Variants in ACAT1 observed in about 807,000 individuals in gnomAD.
The protein encoded by ACAT1 is acetyl-CoA acetyltransferase, mitochondrial.
A neutral mutation model predicts 47.3 loss-of-function variants in ACAT1; 28 were observed. The ratio of observed to expected loss-of-function variants is 0.59; its 90% CI spans 0.44 to 0.81. The LOEUF (loss-of-function observed/expected upper bound fraction) is 0.81, where lower values mean the gene tolerates loss of function less well. ACAT1 is among the 30% of genes least tolerant of loss of function. The pLI, the probability that ACAT1 is intolerant of heterozygous loss-of-function variation, is 0.00. For missense variants in ACAT1, 469 were observed against 524.3 expected (o/e 0.89, Z 1.03); for synonymous variants, 181 against 173.6 (o/e 1.04, Z -0.34).
At chr11:108,142,577 C>G in intron 9 of ACAT1, 27 bp downstream of exon 9, 1 of 1,571,018 alleles carries the variant, frequency 6.4e-7, no homozygotes, top group Non-Finnish European at 8.8e-7. Flanking sequence ...TGGCTCACAC[C>G]TGTAATCCCA....
rs2077637580 is a variant in ACAT1, at chr11:108,143,681, T to C, written c.941-302T>C. 2.3e-5 allele frequency: 6 copies of C among 262,076 alleles called. No homozygotes were observed. In the South Asian group the frequency reaches 3.7e-4, roughly 16 times the overall value. 16.2% of individuals were successfully genotyped at this position (262,076 alleles called of 1,614,324 possible). On this transcript the variant is annotated intron_variant, in intron 9 of 11. Transcript: ENST00000265838. ...GACTGTTCTATGCATTGTAGATGTT[T>C]AGCAGAATCCTTAGTCTTTACCCAG...
upstream of ACAT1, among the ~76,000 whole-genome samples, chr11:108,119,543 C>T (rs2077115129): frequency 6.6e-6 from 1 of 152,138 alleles, no homozygotes; most frequent in African/African-American, 2.4e-5. Flanking sequence ...TAGTCATCAG[C>T]TTTGGCCTCT....
At chr11:108,142,785 T>C (rs1482117252) in intron 9 of ACAT1, 2 of 502,560 alleles carry the variant, frequency 4.0e-6, no homozygotes, top group South Asian at 2.0e-5. Flanking sequence ...TGCAGTGAAC[T>C]GAGATTGTAC....
chr11:108,131,354 ATTTTTTT>A (rs397951009), intron 1 of ACAT1, among the ~76,000 whole-genome samples: 1 of 62,660 alleles, frequency 1.6e-5, no homozygotes, highest in African/African-American at 5.2e-5. Context: ...AAGACTTGGA[ATTTTTTT>A]TTTTTTTTTT....
chr11:108,140,032 A>G, intron 6 of ACAT1, 33 bp from the exon 7 acceptor site: 1 of 1,598,678 alleles, frequency 6.3e-7, no homozygotes, highest in Non-Finnish European at 8.5e-7. Context: ...AATTATGCAA[A>G]GTTAACTTTA....
chr11:108,117,518 G>C (rs1280428467), upstream of ACAT1, among the ~76,000 whole-genome samples: 1 of 151,820 alleles, frequency 6.6e-6, no homozygotes, highest in Admixed American at 6.6e-5. Context: ...CATGTTAGCC[G>C]GGCTGGTCTG....
chr11:108,119,535 G>A (rs988500463), upstream of ACAT1, among the ~76,000 whole-genome samples: 6 of 152,124 alleles, frequency 3.9e-5, no homozygotes, highest in African/African-American at 1.2e-4. Context: ...TGATACCCTA[G>A]TCATCAGCTT....
chr11:108,121,202 A>G (rs1302561150), upstream of ACAT1: 23 of 9,722 alleles, frequency 2.4e-3, no homozygotes, highest in South Asian at 0.058. Context: ...CCTTGTCTCA[A>G]AAAAAAAAAA....
chr11:108,147,214 T>C lies in ACAT1; in HGVS notation c.1164-56T>C, dbSNP rs1300419828. ...AAGTTAAATTGGAATAGAAACATTT[T>C]GGTTAGTCATAAATTCTGTACTTCA... is the stretch of plus-strand genomic sequence containing the variant. On this transcript the variant is annotated intron_variant, in intron 11 of 11. Coordinates refer to ENST00000265838, the MANE Select transcript of ACAT1 (RefSeq NM_000019.4). The C allele has an allele frequency of 1.0e-5, 16 of 1,596,498 alleles. No individual in the cohort carries two copies. In the Admixed American group the frequency reaches 1.5e-4, roughly 15 times the overall value.
In ACAT1 at chr11:108,122,003, C is replaced by T. The variant is rs571344260; in HGVS notation, c.72+325C>T. On this transcript the variant is annotated intron_variant, in intron 1 of 11. Coordinates refer to ENST00000265838, the MANE Select transcript of ACAT1 (RefSeq NM_000019.4). ...GCTGGCCCGGCCTGAGCGGTGGGATCGGGGAGAGTCTCTTTGCAGGCCTGT... is the reference window on the plus strand; with the variant it reads ...GCTGGCCCGGCCTGAGCGGTGGGATTGGGGAGAGTCTCTTTGCAGGCCTGT... 1,303 of 466,468 alleles carry T rather than the reference C, an allele frequency of 2.8e-3. 24 individuals are homozygous for T. In the South Asian group the frequency reaches 0.028, roughly 10 times the overall value. 28.9% of individuals were successfully genotyped at this position (466,468 alleles called of 1,614,324 possible).
At chr11:108,145,458 G>A (rs762153756) in intron 10 of ACAT1, among the ~76,000 whole-genome samples, 1 of 150,562 alleles carries the variant, frequency 6.6e-6, no homozygotes, top group Non-Finnish European at 1.5e-5. Flanking sequence ...GCTTGAGCCT[G>A]GGAGGTCAAG....
intron 5 of ACAT1, chr11:108,138,689 A>C: frequency 1.7e-6 from 1 of 592,838 alleles, no homozygotes; most frequent in Non-Finnish European, 3.0e-6. Flanking sequence ...GAGCCACTGC[A>C]CCCAGCCAAC....
At chr11:108,129,638 A>G (rs1305961878) in intron 1 of ACAT1, among the ~76,000 whole-genome samples, 5 of 152,186 alleles carry the variant, frequency 3.3e-5, no homozygotes, top group Non-Finnish European at 5.9e-5. Context: ...AAGTGCTGGG[A>G]TTAAAGGCAT....
At chr11:108,116,988 G>C (rs1010829218), upstream of ACAT1, among the ~76,000 whole-genome samples, 1 of 152,084 alleles carries the variant, frequency 6.6e-6, no homozygotes, top group Non-Finnish European at 1.5e-5. Flanking sequence ...ACAGATTTTG[G>C]TACTGAAAAG....
chr11:108,145,091 AAGGGCACTCACTAGTAATGTTTT>A (rs764672669), intron 10 of ACAT1, among the ~76,000 whole-genome samples: 30 of 152,298 alleles, frequency 2.0e-4, no homozygotes, highest in Admixed American at 7.2e-4. Context: ...TGTAAAGAAA[AAGGGCACTCACTAGTAATGTTTT>A]AGGGCACTCA....
At chr11:108,123,068 T>TAA (rs1555029331) in intron 1 of ACAT1, among the ~76,000 whole-genome samples, 3 of 149,590 alleles carry the variant, frequency 2.0e-5, no homozygotes, top group African/African-American at 7.5e-5. Flanking sequence ...CTATTAAAAA[T>TAA]ACACACACAC....
intron 4 of ACAT1, among the ~76,000 whole-genome samples, 198 bp from the exon 5 acceptor site, chr11:108,134,944 C>CA (rs56229925): frequency 0.013 from 1,041 of 81,226 alleles, 28 homozygotes; most frequent in African/African-American, 0.039. Context: ...GACTCCGTCT[C>CA]AAAAAAAAAA....
At chr11:108,126,561 A>C (rs1049485510) in intron 1 of ACAT1, among the ~76,000 whole-genome samples, 14 of 152,128 alleles carry the variant, frequency 9.2e-5, no homozygotes, top group African/African-American at 3.4e-4. Flanking sequence ...AGCTGGAGGG[A>C]CTGTAGAGAG....
upstream of ACAT1, among the ~76,000 whole-genome samples, chr11:108,121,036 A>G (rs1255463321): frequency 6.6e-6 from 1 of 152,146 alleles, no homozygotes; most frequent in East Asian, 1.9e-4. Flanking sequence ...CCCCGTCTCC[A>G]CAAAAAATAC....
Sources: gnomAD v4.1 joint callset for allele counts (sites outside exome capture counted in the v4.1 genomes callset) on GRCh38, gnomAD v4.1.1 for gene constraint, MANE v1.5 for transcripts, NCBI Gene and HGNC (gene_info 2026-07-23, HGNC 2026-07-21) for gene names.